Variants in CELF1 observed in about 807,000 individuals in gnomAD.
CELF1 encodes the protein 50 kDa nuclear polyadenylated RNA-binding protein.
A neutral mutation model predicts 61.8 loss-of-function variants in CELF1; 10 were observed. The ratio of observed to expected loss-of-function variants is 0.16; its 90% CI spans 0.10 to 0.27. The LOEUF (loss-of-function observed/expected upper bound fraction) is 0.27, where lower values mean the gene tolerates loss of function less well. CELF1 is among the 10% of genes least tolerant of loss of function. The pLI, the probability that CELF1 is intolerant of heterozygous loss-of-function variation, is 1.00. For synonymous variants in CELF1, 236 were observed against 225.1 expected (o/e 1.05, Z -0.43); for missense variants, 380 against 639.1 (o/e 0.59, Z 4.37).
At chr11:47,524,559 C>G (rs181119715) in intron 1 of CELF1, 1 of 152,278 alleles carries the variant, frequency 6.6e-6, no homozygotes, top group Non-Finnish European at 1.5e-5. Flanking sequence ...TCCACAGAGA[C>G]GCACACAGAC....
intron 1 of CELF1, among the ~76,000 whole-genome samples, chr11:47,532,161 G>A (rs2096497031): frequency 6.6e-6 from 1 of 152,042 alleles, no homozygotes; most frequent in Admixed American, 6.6e-5. Flanking sequence ...TGCCTGAGTA[G>A]CTGGGACTAC....
At chr11:47,507,251 C>G (rs936517255) in intron 1 of CELF1, among the ~76,000 whole-genome samples, 16 of 152,138 alleles carry the variant, frequency 1.1e-4, no homozygotes, top group Non-Finnish European at 5.9e-5. Context: ...TTAACATCTG[C>G]TTTTGGATTG....
chr11:47,487,762 T>A (rs2088435680), intron 4 of CELF1, among the ~76,000 whole-genome samples: 1 of 152,216 alleles, frequency 6.6e-6, no homozygotes, highest in African/African-American at 2.4e-5. Context: ...TCTTAACATC[T>A]TTTTTTGGAC....
chr11:47,494,200 A>T (rs1324275630), intron 3 of CELF1: 1 of 177,518 alleles, frequency 5.6e-6, no homozygotes, highest in Admixed American at 6.5e-5. Flanking sequence ...AAGAAAGGCA[A>T]ATCAGGGCCT....
At chr11:47,544,401 GGTATCTCCACTTTA>G (rs1440681470) in intron 1 of CELF1, among the ~76,000 whole-genome samples, 2 of 152,118 alleles carry the variant, frequency 1.3e-5, no homozygotes, top group Non-Finnish European at 2.9e-5. Flanking sequence ...ATTCTGAGTT[GGTATCTCCACTTTA>G]AAGACAGGAA....
In CELF1 at chr11:47,486,816, G is replaced by T. The variant is rs1166756350; in HGVS notation, c.343-18C>A. 2 of 1,575,350 alleles carry T rather than the reference G, an allele frequency of 1.3e-6. No individual in the cohort carries two copies. Among genetic ancestry groups the T allele is most frequent in the Non-Finnish European group, 1.7e-6 (2 of 1,144,842 alleles). Reference sequence around the variant, plus strand: ...TGATGCATCTGAAAAGGAAAAATATGATTATTATCACTGTATATATTGATG... The same window carrying T: ...TGATGCATCTGAAAAGGAAAAATATTATTATTATCACTGTATATATTGATG... On this transcript the variant is annotated intron_variant, in intron 5 of 14. Coordinates refer to ENST00000687097, the MANE Select transcript of CELF1 (RefSeq NM_001376376.1).
chr11:47,503,163 T>C (rs972522124), intron 1 of CELF1, among the ~76,000 whole-genome samples: 10 of 152,046 alleles, frequency 6.6e-5, no homozygotes, highest in African/African-American at 2.4e-4. Flanking sequence ...TCAATATAGG[T>C]AAGAAAAACA....
At chr11:47,560,194 G>T (rs2097220983) in intron 2 of CELF1, among the ~76,000 whole-genome samples, 1 of 152,164 alleles carries the variant, frequency 6.6e-6, no homozygotes, top group African/African-American at 2.4e-5. Context: ...GGGAGGCTGA[G>T]GTGGGAGGAT....
chr11:47,481,094 TTCTTC>T lies in CELF1; in HGVS notation c.768+1596_768+1600del, dbSNP rs1565766395. Among the ~76,000 whole-genome samples the T allele has an allele frequency of 1.7e-4, 16 of 91,760 alleles. 1 individual carries two copies. Among genetic ancestry groups the T allele is most frequent in the East Asian group, 8.7e-4 (3 of 3,440 alleles). 60.2% of individuals were successfully genotyped at this position (91,760 alleles called of 152,430 possible). A position where few individuals can be genotyped will look rare whatever the true frequency, so the allele number is the denominator to read the frequency against. ...GGATAAACTGGGGTTTTTTTTTTTT[TTCTTC>T]TTCTTTTTTTTTTTTTTTTTTTTTT... is the stretch of plus-strand genomic sequence containing the variant. On this transcript the variant is annotated intron_variant, in intron 9 of 14. Coordinates refer to ENST00000687097, the MANE Select transcript of CELF1 (RefSeq NM_001376376.1).
intron 1 of CELF1, among the ~76,000 whole-genome samples, chr11:47,516,011 G>T (rs2095533609): frequency 6.7e-6 from 1 of 150,360 alleles, no homozygotes; most frequent in South Asian, 2.2e-4. Flanking sequence ...CTGCCTCCCG[G>T]GTTCAACATG....
rs1462493575 is a variant in CELF1 at position 47,504,675 on chromosome 11, G to C, written c.-153-3743C>G. 2.7e-5 allele frequency among the ~76,000 whole-genome samples: 4 copies of C among 150,750 alleles called. 1 individual carries two copies. In the Admixed American group the frequency reaches 2.7e-4, roughly 10 times the overall value. On this transcript the variant is annotated intron_variant, in intron 1 of 14. Coordinates refer to ENST00000687097, the MANE Select transcript of CELF1 (RefSeq NM_001376376.1). ...CCAGCACTTTGGAAGGCCGAGGTGA[G>C]CAGATCACCTAAGGTCAGGAGTTCT...
intron 1 of CELF1, among the ~76,000 whole-genome samples, chr11:47,541,701 AGAAAGAAAG>A (rs2096783283): frequency 1.8e-4 from 4 of 22,670 alleles, no homozygotes; most frequent in African/African-American, 5.9e-4. Context: ...AAAGAAAGAA[AGAAAGAAAG>A]AAAGAAAGAA....
At chr11:47,494,452 A>C in intron 3 of CELF1, 1 of 983,106 alleles carries the variant, frequency 1.0e-6, no homozygotes, top group Non-Finnish European at 1.2e-6. Flanking sequence ...TACTATGAGA[A>C]AATACAATAG....
intron 2 of CELF1, among the ~76,000 whole-genome samples, chr11:47,558,614 TG>T (rs2097214521): frequency 3.3e-4 from 37 of 110,520 alleles, no homozygotes; most frequent in African/African-American, 1.4e-3. Flanking sequence ...ATAAAATATG[TG>T]CAATATAATA....
chr11:47,480,171 C>T (rs904538897), intron 9 of CELF1, among the ~76,000 whole-genome samples: 1 of 151,702 alleles, frequency 6.6e-6, no homozygotes, highest in Admixed American at 6.6e-5. Context: ...ACTGCAACCT[C>T]CGCCTTCCAG....
rs534300442 is a variant in CELF1 at position 47,544,456 on chromosome 11, C to T, written c.-154+8536G>A. On this transcript the variant is annotated intron_variant, in intron 1 of 14. Coordinates refer to ENST00000687097, the MANE Select transcript of CELF1 (RefSeq NM_001376376.1). ...GGCCAGAAATGTTAACTGGTGGTAC[C>T]CCAAATCCACTGTCCCAAGCTGTCA... Among the ~76,000 whole-genome samples the T allele has an allele frequency of 4.1e-4, 62 of 152,196 alleles. 1 individual carries two copies. The highest frequency in any genetic ancestry group is 1.4e-3 in the African/African-American group (58 of 41,532).
At chr11:47,477,535 G>A in intron 10 of CELF1, 110 bp from the exon 11 acceptor site, 1 of 1,135,006 alleles carries the variant, frequency 8.8e-7, no homozygotes, top group East Asian at 2.4e-5. Context: ...AAGAGGAACT[G>A]TTCTAGATAA....
At chr11:47,485,309 T>C (rs867289615) in intron 6 of CELF1, among the ~76,000 whole-genome samples, 2 of 152,126 alleles carry the variant, frequency 1.3e-5, no homozygotes, top group Non-Finnish European at 2.9e-5. Context: ...GCTTCCCGAA[T>C]AGCTGGGACC....
At chr11:47,542,300 G>A (rs544646380) in intron 1 of CELF1, among the ~76,000 whole-genome samples, 12 of 152,148 alleles carry the variant, frequency 7.9e-5, no homozygotes, top group East Asian at 1.9e-4. Flanking sequence ...CCCGGGAGGC[G>A]AAGGCTGCAG....
Sources: allele counts gnomAD v4.1 joint callset (sites outside exome capture counted in the v4.1 genomes callset), GRCh38; gene constraint gnomAD v4.1.1; transcripts MANE v1.5; gene names NCBI Gene and HGNC (gene_info 2026-07-23, HGNC 2026-07-21).